DLG1: variants seen among roughly 807,000 people sequenced by gnomAD.
DLG1 encodes disks large homolog 1.
In DLG1, 42 loss-of-function variants were observed where a neutral mutation model predicts 123.4. The observed-to-expected ratio is 0.34, with a 90% confidence interval of 0.27 to 0.44. DLG1 has a LOEUF of 0.44. Ranked by LOEUF, DLG1 falls within the 20% of genes least tolerant of loss-of-function variation. DLG1 has a pLI of 1.00. For missense variants in DLG1, 942 were observed against 1,082.6 expected, an observed-to-expected ratio of 0.87 and a Z score of 1.82; for synonymous variants, 317 against 356.2, an observed-to-expected ratio of 0.89 and a Z score of 1.24.
chr3:197,145,461 A>G (rs775748858), intron 6 of DLG1, among the ~76,000 whole-genome samples: 4 of 152,112 alleles, frequency 2.6e-5, no homozygotes, highest in African/African-American at 7.2e-5. Flanking sequence ...AAATTTACCA[A>G]TTTTCCTTGG....
chr3:197,288,161 C>G (rs543357750), intron 3 of DLG1, among the ~76,000 whole-genome samples: 1 of 151,760 alleles, frequency 6.6e-6, no homozygotes, highest in Non-Finnish European at 1.5e-5. Context: ...GTCAAGAGAT[C>G]GAGACCATCC....
At chr3:197,159,490 A>C (rs889681866) in intron 5 of DLG1, among the ~76,000 whole-genome samples, 1 of 152,212 alleles carries the variant, frequency 6.6e-6, no homozygotes, top group Non-Finnish European at 1.5e-5. Flanking sequence ...GCAAAGACAG[A>C]CTAGATTCTA....
At chr3:197,069,092 C>G in intron 19 of DLG1, 127 bp downstream of exon 19, 1 of 517,852 alleles carries the variant, frequency 1.9e-6, no homozygotes, top group East Asian at 3.4e-5. Flanking sequence ...TTACTTGTCT[C>G]TCCCTGATTT....
chr3:197,078,587 T>C (rs375817561), intron 17 of DLG1: 68 of 152,214 alleles, frequency 4.5e-4, no homozygotes, highest in African/African-American at 1.5e-3. Flanking sequence ...ACAGAAAAAG[T>C]ATTATGGAGA....
At chr3:197,266,036 C>G (rs1344191378) in intron 4 of DLG1, among the ~76,000 whole-genome samples, 1 of 152,258 alleles carries the variant, frequency 6.6e-6, no homozygotes, top group African/African-American at 2.4e-5. Context: ...GGCAACGGGG[C>G]AAGACTCCGT....
chr3:197,061,783 T>C lies in DLG1; in HGVS notation c.2374-1785A>G, dbSNP rs1414907798. On this transcript the variant is annotated intron_variant, in intron 22 of 24. Coordinates refer to ENST00000667157, the MANE Select transcript of DLG1 (RefSeq NM_001366207.1). ...ATCTGGGAGGCGATATTATATCTAT[T>C]TGTCCCATTATTAGTGATCCTAATT... Among the ~76,000 whole-genome samples the C allele has an allele frequency of 3.9e-5, 6 of 152,326 alleles. No homozygotes were observed. In the South Asian group the frequency reaches 8.3e-4, roughly 21 times the overall value.
intron 11 of DLG1, among the ~76,000 whole-genome samples, chr3:197,127,317 G>A (rs1019263756): frequency 4.0e-5 from 6 of 148,546 alleles, no homozygotes; most frequent in Non-Finnish European, 7.4e-5. Context: ...CTGCTACTAG[G>A]GGGGCTGAGG....
At chr3:197,223,014 T>C (rs921968217) in intron 4 of DLG1, among the ~76,000 whole-genome samples, 10 of 152,234 alleles carry the variant, frequency 6.6e-5, no homozygotes, top group Non-Finnish European at 7.3e-5. Flanking sequence ...TCACTGTGCC[T>C]ACTATTTTGA....
At chr3:197,061,857 T>G (rs1201944082) in intron 22 of DLG1, among the ~76,000 whole-genome samples, 1 of 152,210 alleles carries the variant, frequency 6.6e-6, no homozygotes, top group Non-Finnish European at 1.5e-5. Context: ...CACTGTAAAA[T>G]TATCATTTTT....
intron 4 of DLG1, among the ~76,000 whole-genome samples, chr3:197,230,455 C>T (rs534202096): frequency 8.0e-4 from 122 of 152,226 alleles, no homozygotes; most frequent in Non-Finnish European, 1.5e-3. Flanking sequence ...AAACATCCAA[C>T]TATTTAGTCA....
intron 15 of DLG1, among the ~76,000 whole-genome samples, chr3:197,088,421 C>G (rs537697697): frequency 2.0e-5 from 3 of 152,284 alleles, no homozygotes; most frequent in African/African-American, 7.2e-5. Context: ...ATTCCAAATT[C>G]TCTACTGGGG....
chr3:197,049,600 A>C (rs1192738907), intron 24 of DLG1, among the ~76,000 whole-genome samples: 1 of 152,164 alleles, frequency 6.6e-6, no homozygotes. Context: ...TAAAAATACA[A>C]AATTAGCTGG....
At chr3:197,097,427 T>G (rs1761193137) in intron 14 of DLG1, among the ~76,000 whole-genome samples, 2 of 152,252 alleles carry the variant, frequency 1.3e-5, no homozygotes, top group South Asian at 4.1e-4. Flanking sequence ...TTACATCAGC[T>G]TATATTTGGG....
intron 23 of DLG1, among the ~76,000 whole-genome samples, chr3:197,059,374 T>C (rs1402073853): frequency 2.0e-5 from 3 of 152,246 alleles, no homozygotes; most frequent in African/African-American, 7.2e-5. Context: ...GTGTGTCTGA[T>C]GAAAGCCACA....
intron 21 of DLG1, 126 bp from the exon 22 acceptor site, chr3:197,065,574 A>G (rs193204762): frequency 1.1e-4 from 113 of 1,029,812 alleles, no homozygotes; most frequent in Admixed American, 8.6e-4. Flanking sequence ...AGAAAGGACA[A>G]TAATATGGAG....
chr3:197,231,179 A>G (rs1179591092), intron 4 of DLG1, among the ~76,000 whole-genome samples: 3 of 152,090 alleles, frequency 2.0e-5, no homozygotes, highest in Non-Finnish European at 4.4e-5. Context: ...TAATGGAGTT[A>G]GAGAAACACT....
chr3:197,236,030 C>T (rs897232081), intron 4 of DLG1, among the ~76,000 whole-genome samples: 1 of 152,062 alleles, frequency 6.6e-6, no homozygotes, highest in Non-Finnish European at 1.5e-5. Context: ...AAAATAAAGG[C>T]AGGCTAGTCA....
chr3:197,177,664 A>T (rs1807851704), intron 5 of DLG1, among the ~76,000 whole-genome samples: 1 of 152,084 alleles, frequency 6.6e-6, no homozygotes, highest in Non-Finnish European at 1.5e-5. Flanking sequence ...GCCTCTATTT[A>T]CTTGGGAAGT....
rs545301568 is a variant in DLG1, at chr3:197,191,262, A to AG, written c.483+3162dup. On this transcript the variant is annotated intron_variant, in intron 5 of 24. Coordinates refer to ENST00000667157, the MANE Select transcript of DLG1 (RefSeq NM_001366207.1). Reference sequence around the variant, plus strand: ...AGACTCTGGAGAGGCCTAAACCCTTAGGGATAACACCTTAGGTTTAATCCC... The same window carrying AG: ...AGACTCTGGAGAGGCCTAAACCCTTAGGGGATAACACCTTAGGTTTAATCCC... 4.6e-3 allele frequency among the ~76,000 whole-genome samples: 708 copies of AG among 152,302 alleles called. 13 individuals carry two copies. The highest frequency in any genetic ancestry group is 0.017 in the Middle Eastern group (5 of 294).
Sources: gnomAD v4.1 joint callset for allele counts (sites outside exome capture counted in the v4.1 genomes callset) on GRCh38, gnomAD v4.1.1 for gene constraint, MANE v1.5 for transcripts, NCBI Gene and HGNC (gene_info 2026-07-23, HGNC 2026-07-21) for gene names.